The following ERBB4 variants were observed in gnomAD, a reference collection of about 807,000 sequenced individuals.
ERBB4 encodes receptor tyrosine-protein kinase erbB-4.
Under a neutral mutation model 158.0 loss-of-function variants are expected in ERBB4, and 42 were observed. The observed-to-expected ratio is 0.27, with a 90% confidence interval of 0.21 to 0.34. The LOEUF (loss-of-function observed/expected upper bound fraction) is 0.34, where lower values mean the gene tolerates loss of function less well. Among genes scored for constraint, ERBB4 ranks in the 10% least tolerant of loss-of-function variants. ERBB4 has a pLI of 1.00. For missense variants in ERBB4, 1,333 were observed against 1,624.1 expected, an observed-to-expected ratio of 0.82 and a Z score of 3.08; for synonymous variants, 583 against 558.7, an observed-to-expected ratio of 1.04 and a Z score of -0.61.
At position 212,114,588 on chromosome 2, in the gene ERBB4, C is replaced by T. The variant is rs553736644; in HGVS notation, c.234+10164G>A. Among the ~76,000 whole-genome samples the T allele has an allele frequency of 2.6e-5, 4 of 152,284 alleles. No homozygotes were observed. In the East Asian group the frequency reaches 7.7e-4, roughly 29 times the overall value. On this transcript the variant is annotated intron_variant, in intron 2 of 27. Coordinates refer to ENST00000342788, the MANE Select transcript of ERBB4 (RefSeq NM_005235.3). Reference sequence around the variant, plus strand: ...GATATGTAATCCATATTTGCTTGTACTTTCTCTGTGTTTGTCTTTCATGAA... The same window carrying T: ...GATATGTAATCCATATTTGCTTGTATTTTCTCTGTGTTTGTCTTTCATGAA...
At chr2:211,694,913 C>A (rs2106008663) in intron 12 of ERBB4, among the ~76,000 whole-genome samples, 2 of 152,028 alleles carry the variant, frequency 1.3e-5, no homozygotes, top group Non-Finnish European at 1.5e-5. Flanking sequence ...AAATCTGCCA[C>A]CTTAGTAATA....
intron 20 of ERBB4, among the ~76,000 whole-genome samples, chr2:211,454,629 A>C (rs576246625): frequency 6.6e-6 from 1 of 152,308 alleles, no homozygotes; most frequent in African/African-American, 2.4e-5. Context: ...AAAGAGTACA[A>C]GTGACAAGAA....
At chr2:211,601,991 C>A (rs1028979945) in intron 19 of ERBB4, among the ~76,000 whole-genome samples, 1 of 152,026 alleles carries the variant, frequency 6.6e-6, no homozygotes, top group African/African-American at 2.4e-5. Flanking sequence ...TTCTTTTAAA[C>A]ATATCTTCTT....
chr2:212,361,160 G>A (rs185107103), intron 1 of ERBB4, among the ~76,000 whole-genome samples: 123 of 151,632 alleles, frequency 8.1e-4, no homozygotes, highest in African/African-American at 2.9e-3. Flanking sequence ...AAAGTTTCAG[G>A]ATAAGGGAAA....
At chr2:211,722,271 T>A (rs189745423) in intron 7 of ERBB4, 122 bp downstream of exon 7, 21 of 780,108 alleles carry the variant, frequency 2.7e-5, no homozygotes, top group Non-Finnish European at 4.3e-5. Context: ...GGGGCAATAG[T>A]ATCTATACCC....
At chr2:211,488,312 A>T (rs1174898759) in intron 20 of ERBB4, among the ~76,000 whole-genome samples, 1 of 151,902 alleles carries the variant, frequency 6.6e-6, no homozygotes. Flanking sequence ...ATATCACCCA[A>T]ATTTATTTTT....
chr2:211,413,953 C>G (rs1030728978), intron 25 of ERBB4, among the ~76,000 whole-genome samples: 1 of 151,772 alleles, frequency 6.6e-6, no homozygotes, highest in Non-Finnish European at 1.5e-5. Flanking sequence ...GGATAAGGCG[C>G]AAATTCCTGG....
At chr2:212,192,031 T>TTA (rs750266150) in intron 1 of ERBB4, among the ~76,000 whole-genome samples, 17,288 of 45,162 alleles carry the variant, frequency 0.38, 1,570 homozygotes, top group Non-Finnish European at 0.47. Flanking sequence ...GTTATATATG[T>TTA]TATATGTTAT....
chr2:212,211,787 T>G (rs2082944226), intron 1 of ERBB4, among the ~76,000 whole-genome samples: 1 of 151,954 alleles, frequency 6.6e-6, no homozygotes, highest in Non-Finnish European at 1.5e-5. Flanking sequence ...TGTCTGTGTG[T>G]TCTCACTTAT....
At chr2:211,924,260 G>C (rs2079955951) in intron 3 of ERBB4, among the ~76,000 whole-genome samples, 1 of 152,060 alleles carries the variant, frequency 6.6e-6, no homozygotes, top group Non-Finnish European at 1.5e-5. Flanking sequence ...AGTTTTCCAG[G>C]GGTTGGCATG....
chr2:212,446,498 A>T (rs2092350233), intron 1 of ERBB4, among the ~76,000 whole-genome samples: 1 of 144,430 alleles, frequency 6.9e-6, no homozygotes, highest in Non-Finnish European at 1.5e-5. Context: ...GGGACTCAGA[A>T]TGGCTCTCCT....
chr2:212,194,323 G>A (rs907578913), intron 1 of ERBB4, among the ~76,000 whole-genome samples: 1 of 113,770 alleles, frequency 8.8e-6, no homozygotes, highest in African/African-American at 3.3e-5. Context: ...CACACACTTT[G>A]TTTCCTTTCT....
intron 10 of ERBB4, among the ~76,000 whole-genome samples, chr2:211,705,010 G>T (rs2073385463): frequency 6.6e-6 from 1 of 152,174 alleles, no homozygotes; most frequent in African/African-American, 2.4e-5. Flanking sequence ...AGGCTGGAGT[G>T]CAGCAGCGTG....
chr2:211,883,501 G>C (rs184871438), intron 3 of ERBB4, among the ~76,000 whole-genome samples: 6 of 152,236 alleles, frequency 3.9e-5, no homozygotes, highest in Admixed American at 2.0e-4. Flanking sequence ...CTCTTGGCCA[G>C]TCACGGTGGC....
intron 1 of ERBB4, among the ~76,000 whole-genome samples, chr2:212,264,297 T>A (rs1490218837): frequency 6.6e-6 from 1 of 152,116 alleles, no homozygotes; most frequent in Non-Finnish European, 1.5e-5. Flanking sequence ...TTGGTCATAT[T>A]TAACCGTGCT....
At chr2:212,237,924 C>A (rs1207230552) in intron 1 of ERBB4, among the ~76,000 whole-genome samples, 6 of 152,154 alleles carry the variant, frequency 3.9e-5, no homozygotes, top group Non-Finnish European at 8.8e-5. Flanking sequence ...GGACGCCCCT[C>A]CCCCAACAAA....
At chr2:212,385,859 A>G (rs559143324) in intron 1 of ERBB4, among the ~76,000 whole-genome samples, 19 of 151,960 alleles carry the variant, frequency 1.3e-4, no homozygotes, top group Non-Finnish European at 2.7e-4. Flanking sequence ...AAATTATTCC[A>G]TATCCAAAAT....
chr2:212,005,339 G>T lies in ERBB4; in HGVS notation c.235-57723C>A, dbSNP rs138968621. Among the ~76,000 whole-genome samples, 387 of 152,200 alleles carry T rather than the reference G, an allele frequency of 2.5e-3. 4 individuals are homozygous for T. Among genetic ancestry groups the T allele is most frequent in the African/African-American group, 8.9e-3 (369 of 41,534 alleles). On this transcript the variant is annotated intron_variant, in intron 2 of 27. Coordinates refer to ENST00000342788, the MANE Select transcript of ERBB4 (RefSeq NM_005235.3). The stretch of plus-strand genomic sequence containing the variant: ...ATAGCACAGCAATGGGGAATGAGAT[G>T]CATAAATCATTTTTAACTATATTCA...
intron 20 of ERBB4, among the ~76,000 whole-genome samples, chr2:211,465,251 C>T (rs1480111965): frequency 1.3e-5 from 2 of 151,408 alleles, no homozygotes; most frequent in Non-Finnish European, 3.0e-5. Context: ...GAGAGGCTAT[C>T]TTGAATATTT....
Sources: gnomAD v4.1 joint callset for allele counts (sites outside exome capture counted in the v4.1 genomes callset) on GRCh38, gnomAD v4.1.1 for gene constraint, MANE v1.5 for transcripts, NCBI Gene and HGNC (gene_info 2026-07-23, HGNC 2026-07-21) for gene names.